The following TERB2 variants were observed in gnomAD, a reference collection of about 807,000 sequenced individuals.
TERB2 encodes the protein telomere repeats-binding bouquet formation protein 2.
TERB2 carries 26 observed loss-of-function variants against 29.8 expected under a neutral mutation model. The observed-to-expected ratio is 0.87, with a 90% CI of 0.64 to 1.21. The LOEUF (loss-of-function observed/expected upper bound fraction) is 1.21. Ranked by LOEUF, TERB2 falls within the 50% of genes most tolerant of loss-of-function variation. TERB2 has a pLI of 0.00. For missense variants in TERB2, 240 were observed against 268.6 expected, an observed-to-expected ratio of 0.89 and a Z score of 0.74; for synonymous variants, 80 against 90.8, an observed-to-expected ratio of 0.88 and a Z score of 0.68.
chr15:44,978,609 A>G lies in TERB2; in HGVS notation c.644A>G (p.Asn215Ser), dbSNP rs1374802791. ...GAAATTAATATGTCTGCTATAAAAA[A>G]CAAATTGAAGAGGAAATAGTAAATT... ...QNEINMSAIK[N>S]KLKRK Residue 215 changes from asparagine to serine, a missense_variant, in exon 7 of 7, where the codon AAC becomes AGC. Asn to Ser is a conservative substitution (Grantham distance 46). Coordinates refer to ENST00000340827, the MANE Select transcript of TERB2 (RefSeq NM_152448.3). 1 of 1,596,776 alleles carries G rather than the reference A, an allele frequency of 6.3e-7. No homozygotes were observed. The highest frequency in any genetic ancestry group is 1.8e-5 in the Admixed American group (1 of 56,990).
intron 2 of TERB2, 23 bp downstream of exon 2, chr15:44,957,000 G>C: frequency 6.3e-7 from 1 of 1,598,616 alleles, no homozygotes; most frequent in East Asian, 2.2e-5. Flanking sequence ...ACCTGGCAGT[G>C]CCTCTTATGT....
At chr15:44,968,157 C>G (rs1566945941) in intron 5 of TERB2, among the ~76,000 whole-genome samples, 2 of 148,594 alleles carry the variant, frequency 1.3e-5, no homozygotes, top group Non-Finnish European at 3.0e-5. Flanking sequence ...AAAAATCAGG[C>G]AGTACAGAAT....
intron 4 of TERB2, among the ~76,000 whole-genome samples, chr15:44,963,109 T>C (rs1373685250): frequency 6.6e-6 from 1 of 152,324 alleles, no homozygotes; most frequent in Non-Finnish European, 1.5e-5. Flanking sequence ...TTTAAAACCC[T>C]CAATTTAATA....
At position 44,978,807 on chromosome 15, in the gene TERB2, T is replaced by C. The variant is rs879545670; in HGVS notation, c.*179T>C. 36 of 791,164 alleles carry C rather than the reference T, an allele frequency of 4.6e-5. No homozygotes were observed. Among genetic ancestry groups the C allele is most frequent in the East Asian group, 4.0e-4 (11 of 27,200 alleles). 49.0% of individuals were successfully genotyped at this position (791,164 alleles called of 1,614,324 possible). ...TTTTGGTTCTGTGTTTTGACATTTT[T>C]CCCCTAGCTTTTAACAACATGTTCA... On this transcript the variant is annotated 3_prime_UTR_variant, in exon 7 of 7. Transcript: ENST00000340827.
At chr15:44,967,276 C>G (rs1891905883) in intron 5 of TERB2, among the ~76,000 whole-genome samples, 1 of 152,192 alleles carries the variant, frequency 6.6e-6, no homozygotes, top group Admixed American at 6.5e-5. Flanking sequence ...CTTCAGAAGT[C>G]TGTTTTATCC....
At chr15:44,971,563 G>A (rs1271244627) in intron 5 of TERB2, among the ~76,000 whole-genome samples, 1 of 152,032 alleles carries the variant, frequency 6.6e-6, no homozygotes, top group East Asian at 1.9e-4. Flanking sequence ...AGACCATCCT[G>A]GCAAACACAG....
rs369981816 is a variant in TERB2 at position 44,976,787 on chromosome 15, T to C, written c.524-1702T>C. ...AACAGACATTTTTTTAAACATGAGC[T>C]TGCTCCCCATGCTCAACATTTGCTT... On this transcript the variant is annotated intron_variant, in intron 6 of 6. Transcript: ENST00000340827. Among the ~76,000 whole-genome samples, 15 of 152,284 alleles carry C rather than the reference T, an allele frequency of 9.9e-5. No homozygotes were observed. The South Asian group carries it at 1.9e-3, about 19-fold the overall frequency.
At chr15:44,962,345 C>G (rs1027808149) in intron 4 of TERB2, among the ~76,000 whole-genome samples, 1 of 147,930 alleles carries the variant, frequency 6.8e-6, no homozygotes, top group African/African-American at 2.5e-5. Context: ...CCAAGCCCAG[C>G]TATTTTTTTT....
intron 6 of TERB2, among the ~76,000 whole-genome samples, chr15:44,976,769 A>AT (rs1029658079): frequency 1.3e-5 from 2 of 152,054 alleles, no homozygotes; most frequent in Admixed American, 6.6e-5. Context: ...AGGAACAGAC[A>AT]TTTTTTTAAA....
chr15:44,965,785 C>G (rs1334999594), intron 4 of TERB2, among the ~76,000 whole-genome samples: 1 of 151,234 alleles, frequency 6.6e-6, no homozygotes, highest in Admixed American at 6.6e-5. Context: ...AAGTTTAAAT[C>G]AGTAGCAAGA....
chr15:44,959,541 T>C (rs887989150), intron 3 of TERB2, among the ~76,000 whole-genome samples: 1 of 152,122 alleles, frequency 6.6e-6, no homozygotes, highest in African/African-American at 2.4e-5. Context: ...CTAATTTTTA[T>C]ATTTTTAATA....
intron 3 of TERB2, among the ~76,000 whole-genome samples, 183 bp from the exon 4 acceptor site, chr15:44,961,340 C>T (rs1275561443): frequency 6.6e-6 from 1 of 151,316 alleles, no homozygotes; most frequent in Non-Finnish European, 1.5e-5. Context: ...GTTAGAAATG[C>T]AAATTCCAGA....
rs1241074358 is a variant in TERB2 at position 44,978,472 on chromosome 15, T to A, written c.524-17T>A. The A allele has an allele frequency of 7.7e-6, 12 of 1,568,286 alleles. No homozygotes were observed. Among genetic ancestry groups the A allele is most frequent in the East Asian group, 2.3e-5 (1 of 44,354 alleles). ...CGGGTTTTAAGTATATATCTTTTTTTAAATTTTATTTTGTAGGTTATATAT... is the reference window on the plus strand; with the variant it reads ...CGGGTTTTAAGTATATATCTTTTTTAAAATTTTATTTTGTAGGTTATATAT... On this transcript the variant is annotated splice_polypyrimidine_tract_variant and intron_variant, in intron 6 of 6. Coordinates refer to ENST00000340827, the MANE Select transcript of TERB2 (RefSeq NM_152448.3).
intron 2 of TERB2, among the ~76,000 whole-genome samples, chr15:44,957,267 A>G (rs1481198252): frequency 6.6e-6 from 1 of 151,812 alleles, no homozygotes; most frequent in Non-Finnish European, 1.5e-5. Flanking sequence ...AAAAATAAAT[A>G]AATAATATTG....
intron 4 of TERB2, 134 bp from the exon 5 acceptor site, chr15:44,966,024 G>A (rs899152157): frequency 6.3e-5 from 28 of 444,082 alleles, no homozygotes; most frequent in African/African-American, 5.4e-4. Flanking sequence ...TAGATTGAGT[G>A]GACTTAAATG....
intron 5 of TERB2, among the ~76,000 whole-genome samples, chr15:44,969,140 G>A (rs1891932141): frequency 6.6e-6 from 1 of 152,036 alleles, no homozygotes; most frequent in Non-Finnish European, 1.5e-5. Context: ...TGTCACCCAG[G>A]CTGGAGTACA....
chr15:44,957,124 G>A (rs1183783690), intron 2 of TERB2, 147 bp downstream of exon 2: 1 of 879,680 alleles, frequency 1.1e-6, no homozygotes, highest in Non-Finnish European at 1.7e-6. Flanking sequence ...TGAAGCAGGA[G>A]AATCGCTTGA....
chr15:44,957,950 C>G (rs1891744197), intron 2 of TERB2, among the ~76,000 whole-genome samples: 1 of 152,108 alleles, frequency 6.6e-6, no homozygotes, highest in Admixed American at 6.6e-5. Flanking sequence ...TCTTGTAATG[C>G]TCTTCTTATC....
intron 3 of TERB2, among the ~76,000 whole-genome samples, chr15:44,958,845 T>A (rs1422958705): frequency 6.6e-6 from 1 of 152,210 alleles, no homozygotes; most frequent in Non-Finnish European, 1.5e-5. Flanking sequence ...AGTTTTGTGA[T>A]CATTTAGCAA....
Sources: allele counts gnomAD v4.1 joint callset (sites outside exome capture counted in the v4.1 genomes callset), GRCh38; gene constraint gnomAD v4.1.1; transcripts MANE v1.5; gene names NCBI Gene and HGNC (gene_info 2026-07-23, HGNC 2026-07-21).